MITD1: variants seen among roughly 807,000 people sequenced by gnomAD.
MITD1 encodes microtubule interacting and trafficking domain containing 1.
MITD1 carries 24 observed loss-of-function variants against 34.9 expected under a neutral mutation model. That is an observed-to-expected ratio of 0.69 (90% CI 0.50 to 0.97). MITD1 has a LOEUF of 0.97. MITD1 is among the 50% of genes least tolerant of loss of function. MITD1 has a pLI of 0.00. For synonymous variants in MITD1, 102 were observed against 101.4 expected, an observed-to-expected ratio of 1.01 and a Z score of -0.04; for missense variants, 266 against 294.6, an observed-to-expected ratio of 0.90 and a Z score of 0.71.
At chr2:99,170,722 C>G in intron 4 of MITD1, 70 bp from the exon 5 acceptor site, 1 of 696,876 alleles carries the variant, frequency 1.4e-6, no homozygotes. Context: ...CTAAGCTATA[C>G]AATCTATATC....
chr2:99,180,499 T>A (rs944617741), intron 1 of MITD1, among the ~76,000 whole-genome samples: 3 of 152,216 alleles, frequency 2.0e-5, no homozygotes, highest in African/African-American at 7.2e-5. Context: ...CCAATCTATA[T>A]TCAAACTTTT....
intron 2 of MITD1, chr2:99,172,471 G>C (rs2105218958): frequency 6.6e-6 from 1 of 152,062 alleles, no homozygotes; most frequent in Non-Finnish European, 1.5e-5. Context: ...GAAATTTATA[G>C]TACTTCTTAA....
At chr2:99,172,824 A>C (rs2093866193) in intron 2 of MITD1, 1 of 151,906 alleles carries the variant, frequency 6.6e-6, no homozygotes. Flanking sequence ...CAGAGGTTGC[A>C]GTAAGCAGAG....
downstream of MITD1, chr2:99,161,850 TG>T: frequency 1.0e-6 from 1 of 1,003,510 alleles, no homozygotes; most frequent in Non-Finnish European, 1.4e-6. Flanking sequence ...GCAACTGCAC[TG>T]GATACTTTAA....
chr2:99,163,308 CTTCAT>C (rs2093811634), intron 7 of MITD1, among the ~76,000 whole-genome samples: 1 of 151,382 alleles, frequency 6.6e-6, no homozygotes, highest in African/African-American at 2.4e-5. Context: ...CTCTTTCTTC[CTTCAT>C]TTATTTTATT....
At chr2:99,165,019 T>TACACACACACACACACACACAC (rs56958044), downstream of MITD1, among the ~76,000 whole-genome samples, 17 of 136,764 alleles carry the variant, frequency 1.2e-4, no homozygotes, top group African/African-American at 4.2e-4. Flanking sequence ...CAAAATGGCA[T>TACACACACACACACACACACAC]ACACACACAC....
intron 2 of MITD1, chr2:99,173,655 G>GT: frequency 2.0e-6 from 1 of 512,546 alleles, no homozygotes; most frequent in South Asian, 2.0e-5. Context: ...ACATTCTCCA[G>GT]TAAGTATAGC....
chr2:99,165,019 T>TACACACACACACACACACACACACAC (rs56958044), downstream of MITD1, among the ~76,000 whole-genome samples: 6 of 136,670 alleles, frequency 4.4e-5, no homozygotes, highest in East Asian at 2.2e-4. Context: ...CAAAATGGCA[T>TACACACACACACACACACACACACAC]ACACACACAC....
Position 99,173,971 on chromosome 2 carries a change from G to T in MITD1, c.197C>A (p.Ser66Tyr). ...GTTTTCCGCTCTGTCCATGTATTTGGAAATTTTTTCTCTGAGATTACATCT... is the reference window on the plus strand; with the variant it reads ...GTTTTCCGCTCTGTCCATGTATTTGTAAATTTTTTCTCTGAGATTACATCT... ...TKRCNLREKI[S>Y]KYMDRAENIK... The change falls in exon 2 of 7, where the codon TCC becomes TAC. Residue 66 changes from serine (S) to tyrosine (Y), a missense_variant. Coordinates refer to ENST00000289359, the MANE Select transcript of MITD1 (RefSeq NM_138798.3). 6.2e-7 allele frequency: 1 copy of T among 1,606,138 alleles called. No homozygotes were observed. Among genetic ancestry groups the T allele is most frequent in the South Asian group, 1.1e-5 (1 of 90,000 alleles).
At position 99,162,586 on chromosome 2, in the gene MITD1, C is replaced by T. The variant is rs1160820386; in HGVS notation, c.*4-368G>A. ...AGCAATGCCACTGCTAGCATACCTTCCTTAGTGAAAAATCTTTTGGAAAAG... is the reference window on the plus strand; with the variant it reads ...AGCAATGCCACTGCTAGCATACCTTTCTTAGTGAAAAATCTTTTGGAAAAG... On this transcript the variant is annotated intron_variant, in intron 7 of 7. Transcript: ENST00000422537. 3 of 1,614,142 alleles carry T rather than the reference C, an allele frequency of 1.9e-6. No individual in the cohort carries two copies. The Admixed American group carries it at 5.0e-5, about 27-fold the overall frequency.
At chr2:99,170,675 T>C in intron 4 of MITD1, 23 bp from the exon 5 acceptor site, 1 of 1,106,482 alleles carries the variant, frequency 9.0e-7, no homozygotes, top group Admixed American at 1.7e-5. Context: ...AAAATACGAT[T>C]ATCTGCCGCA....
chr2:99,169,649 T>A, intron 5 of MITD1, 39 bp from the exon 6 acceptor site: 1 of 1,482,184 alleles, frequency 6.7e-7, no homozygotes, highest in Non-Finnish European at 9.4e-7. Context: ...TCAAGACATT[T>A]AAGTCAGACT....
At chr2:99,176,824 A>C (rs757668790) in intron 1 of MITD1, among the ~76,000 whole-genome samples, 10 of 152,104 alleles carry the variant, frequency 6.6e-5, no homozygotes, top group Non-Finnish European at 1.5e-4. Flanking sequence ...TTTTTGCCCC[A>C]GCCCTGAAAT....
intron 7 of MITD1, chr2:99,162,557 C>G: frequency 6.2e-7 from 1 of 1,614,140 alleles, no homozygotes; most frequent in South Asian, 1.1e-5. Flanking sequence ...ACCAAGGGAT[C>G]AGGAGCAATG....
At chr2:99,175,045 C>G (rs1574832453) in intron 1 of MITD1, among the ~76,000 whole-genome samples, 2 of 152,324 alleles carry the variant, frequency 1.3e-5, no homozygotes, top group African/African-American at 4.8e-5. Flanking sequence ...ATTTTAATCT[C>G]TCATTTTAAA....
chr2:99,180,714 A>G, intron 1 of MITD1, 117 bp downstream of exon 1: 1 of 878,474 alleles, frequency 1.1e-6, no homozygotes, highest in South Asian at 1.6e-5. Context: ...CACCTTCTGT[A>G]TTTAACTGCT....
At chr2:99,162,774 T>A in intron 7 of MITD1, 1 of 1,614,134 alleles carries the variant, frequency 6.2e-7, no homozygotes, top group Non-Finnish European at 8.5e-7. Context: ...GGAGTGGATA[T>A]ATGGCAAAAC....
In MITD1 at chr2:99,180,932, G is replaced by A. The variant is rs779583705; in HGVS notation, c.50C>T (p.Thr17Ile). 4 of 1,614,142 alleles carry A rather than the reference G, an allele frequency of 2.5e-6. No individual in the cohort carries two copies. The Admixed American group carries it at 5.0e-5, about 20-fold the overall frequency. The change falls in exon 1 of 7, where the codon ACT becomes ATT. Residue 17 changes from threonine (T) to isoleucine (I), a missense_variant. Thr to Ile is a moderately conservative substitution (Grantham distance 89). Coordinates refer to ENST00000289359, the MANE Select transcript of MITD1 (RefSeq NM_138798.3). Reference sequence around the variant, plus strand: ...TAGTTCTACTGCCCGCTTTAGCACAGTGGCTGCAGCTGTGCTCTGCGGGTC... The same window carrying A: ...TAGTTCTACTGCCCGCTTTAGCACAATGGCTGCAGCTGTGCTCTGCGGGTC... ...RQDPQSTAAA[T>I]VLKRAVELDS...
chr2:99,165,849 G>A (rs2093824438), downstream of MITD1, among the ~76,000 whole-genome samples: 1 of 152,180 alleles, frequency 6.6e-6, no homozygotes, highest in Non-Finnish European at 1.5e-5. Context: ...CATCTGGAAT[G>A]ATGAGAACCC....
Sources: allele counts gnomAD v4.1 joint callset (sites outside exome capture counted in the v4.1 genomes callset), GRCh38; gene constraint gnomAD v4.1.1; transcripts MANE v1.5; gene names NCBI Gene and HGNC (gene_info 2026-07-23, HGNC 2026-07-21).